The following SMS variants were observed in gnomAD, a reference collection of about 807,000 sequenced individuals.
SMS encodes spermidine aminopropyltransferase.
A neutral mutation model predicts 33.0 loss-of-function variants in SMS; 3 were observed. The ratio of observed to expected loss-of-function variants is 0.09; its 90% CI spans 0.04 to 0.23. The LOEUF is 0.23. Among genes scored for constraint, SMS ranks in the 10% least tolerant of loss-of-function variants. SMS has a pLI of 1.00. For missense variants in SMS, 117 were observed against 288.6 expected (o/e 0.41, Z 4.31); for synonymous variants, 103 against 112.2 (o/e 0.92, Z 0.52).
chrX:21,943,709 T>G (rs1921988694), intron 1 of SMS, among the ~76,000 whole-genome samples: 1 of 111,230 alleles, frequency 9.0e-6, no homozygotes, highest in South Asian at 3.8e-4. Flanking sequence ...GCGTAAGAAC[T>G]CCGATTCATA....
intron 1 of SMS, among the ~76,000 whole-genome samples, chrX:21,960,261 TAGTG>T (rs1602192584): frequency 1.8e-5 from 2 of 110,719 alleles, no homozygotes; most frequent in African/African-American, 3.3e-5. Flanking sequence ...GGGCTTTTGA[TAGTG>T]AGGTATGAAA....
At chrX:21,949,555 A>G (rs764518323) in intron 1 of SMS, among the ~76,000 whole-genome samples, 17 of 112,426 alleles carry the variant, frequency 1.5e-4, no homozygotes, top group Non-Finnish European at 2.4e-4. Flanking sequence ...GAATTTTAAA[A>G]GGACACTTTG....
intron 1 of SMS, among the ~76,000 whole-genome samples, chrX:21,950,065 A>AGTTTTTT (rs1922498840): frequency 9.0e-6 from 1 of 111,398 alleles, no homozygotes. Flanking sequence ...GTAGTGGCAT[A>AGTTTTTT]GTTTTTTGTT....
At chrX:21,943,597 C>T (rs1921977118) in intron 1 of SMS, among the ~76,000 whole-genome samples, 2 of 108,334 alleles carry the variant, frequency 1.8e-5, no homozygotes, top group Non-Finnish European at 3.8e-5. Context: ...GCTTTGATGG[C>T]AAGGCGAACA....
chrX:21,942,851 T>A (rs971555878), intron 1 of SMS, among the ~76,000 whole-genome samples: 235 of 103,588 alleles, frequency 2.3e-3, no homozygotes, highest in Non-Finnish European at 3.7e-3. Flanking sequence ...TTTTTTTTTT[T>A]AATTCTGAGA....
chrX:21,975,328 T>TA (rs201636377), intron 4 of SMS, among the ~76,000 whole-genome samples: 1,685 of 111,727 alleles, frequency 0.015, 16 homozygotes, highest in Middle Eastern at 0.033. Context: ...TGCTAGTCTT[T>TA]AAAAAAACCA....
intron 9 of SMS, among the ~76,000 whole-genome samples, chrX:21,990,745 C>T (rs1490779806): frequency 8.8e-6 from 1 of 112,996 alleles, no homozygotes. Context: ...AAGCCATTTA[C>T]TGTGCACCTT....
intron 1 of SMS, among the ~76,000 whole-genome samples, chrX:21,943,317 G>A (rs1395111736): frequency 8.9e-6 from 1 of 111,832 alleles, no homozygotes; most frequent in East Asian, 2.8e-4. Context: ...GGAAAAGAGC[G>A]AATGAAGAAA....
chrX:21,987,717 A>G (rs1268056373), intron 9 of SMS, among the ~76,000 whole-genome samples: 1 of 112,578 alleles, frequency 8.9e-6, no homozygotes, highest in Non-Finnish European at 1.9e-5. Flanking sequence ...GGGATCTTGA[A>G]CAAAAAGAGA....
intron 1 of SMS, among the ~76,000 whole-genome samples, chrX:21,952,513 A>G (rs1202822721): frequency 9.7e-6 from 1 of 103,002 alleles, no homozygotes; most frequent in Admixed American, 1.1e-4. Flanking sequence ...GCTGAATCCT[A>G]TTTGCTAATG....
intron 9 of SMS, 132 bp downstream of exon 9, chrX:21,985,355 T>C: frequency 2.2e-6 from 1 of 461,152 alleles, no homozygotes; most frequent in South Asian, 2.7e-5. Flanking sequence ...TTTCAAACAG[T>C]AAGCTTCTAC....
At chrX:21,993,919 C>T (rs1443362557) in intron 10 of SMS, among the ~76,000 whole-genome samples, 1 of 108,318 alleles carries the variant, frequency 9.2e-6, no homozygotes, top group Non-Finnish European at 1.9e-5. Context: ...CCCTCTCCTC[C>T]TCCTGCCCTC....
At chrX:21,985,812 A>T (rs774088752) in intron 9 of SMS, among the ~76,000 whole-genome samples, 6 of 111,332 alleles carry the variant, frequency 5.4e-5, no homozygotes, top group East Asian at 2.8e-4. Context: ...GCCATTTTTT[A>T]AAAAAAGTAC....
intron 10 of SMS, 55 bp from the exon 11 acceptor site, chrX:21,994,257 G>A (rs375746977): frequency 2.0e-5 from 21 of 1,068,823 alleles, no homozygotes; most frequent in Non-Finnish European, 2.5e-5. Context: ...CGAATTACAA[G>A]TGATGTCTTT....
intron 1 of SMS, among the ~76,000 whole-genome samples, chrX:21,947,997 AT>A (rs971362754): frequency 1.0e-4 from 11 of 108,042 alleles, no homozygotes; most frequent in African/African-American, 2.4e-4. Flanking sequence ...TTGCTTTGTG[AT>A]TTTTTTTTTA....
At chrX:21,953,890 A>ATTTTTTTTTTT (rs10599284) in intron 1 of SMS, among the ~76,000 whole-genome samples, 1 of 90,150 alleles carries the variant, frequency 1.1e-5, no homozygotes, top group Non-Finnish European at 2.2e-5. Flanking sequence ...AATTTTATTG[A>ATTTTTTTTTTT]TTTTTTTTTT....
intron 8 of SMS, 70 bp downstream of exon 8, chrX:21,984,488 C>A: frequency 1.4e-6 from 1 of 697,746 alleles, no homozygotes; most frequent in Non-Finnish European, 2.3e-6. Context: ...GTGAAAGGAT[C>A]CTAGAGATTG....
At position 21,943,039 on chromosome X, in the gene SMS, G is replaced by T. The variant is rs769816687; in HGVS notation, c.49+2166G>T. ...TGTTGTTGTTTAAAGTAGAGACAGG[G>T]TTTCACCACGTTGGCCAGGCTGGTC... is the stretch of plus-strand genomic sequence containing the variant. On this transcript the variant is annotated intron_variant, in intron 1 of 10. Coordinates refer to ENST00000404933, the MANE Select transcript of SMS (RefSeq NM_004595.5). 5.5e-5 allele frequency among the ~76,000 whole-genome samples: 6 copies of T among 110,049 alleles called. No homozygotes were observed. In the East Asian group the frequency reaches 1.7e-3, roughly 31 times the overall value.
At chrX:21,971,838 C>CT (rs1176805004) in intron 2 of SMS, 59 bp from the exon 3 acceptor site, 9,434 of 496,393 alleles carry the variant, frequency 0.019, no homozygotes, top group Non-Finnish European at 0.023. Context: ...CTCTCTCTCT[C>CT]TTTTTTTTTT....
Sources: gnomAD v4.1 joint callset for allele counts (sites outside exome capture counted in the v4.1 genomes callset) on GRCh38, gnomAD v4.1.1 for gene constraint, MANE v1.5 for transcripts, NCBI Gene and HGNC (gene_info 2026-07-23, HGNC 2026-07-21) for gene names.